Variants in STXBP5L observed in about 807,000 individuals in gnomAD.
STXBP5L encodes syntaxin binding protein 5L.
A neutral mutation model predicts 144.5 loss-of-function variants in STXBP5L; 65 were observed. That is an observed-to-expected ratio of 0.45 (90% CI 0.37 to 0.55). The LOEUF (loss-of-function observed/expected upper bound fraction) is 0.55, where lower values mean the gene tolerates loss of function less well. Among genes scored for constraint, STXBP5L ranks in the 20% least tolerant of loss-of-function variants. STXBP5L has a pLI of 0.00. For synonymous variants in STXBP5L, 505 were observed against 469.6 expected (o/e 1.08, Z -0.97); for missense variants, 1,298 against 1,405.5 (o/e 0.92, Z 1.22).
At chr3:121,088,349 C>A (rs536147931) in intron 5 of STXBP5L, among the ~76,000 whole-genome samples, 1 of 113,940 alleles carries the variant, frequency 8.8e-6, no homozygotes, top group Non-Finnish European at 1.8e-5. Context: ...AAATGCTCAT[C>A]ATCACTGGCC....
At chr3:121,259,388 A>G (rs1471315577) in intron 18 of STXBP5L, among the ~76,000 whole-genome samples, 1 of 152,072 alleles carries the variant, frequency 6.6e-6, no homozygotes, top group East Asian at 1.9e-4. Flanking sequence ...TGTTAGTAGG[A>G]GATTGTTAGG....
At chr3:120,994,305 C>G (rs1001787623) in intron 3 of STXBP5L, among the ~76,000 whole-genome samples, 4 of 151,994 alleles carry the variant, frequency 2.6e-5, no homozygotes, top group Non-Finnish European at 5.9e-5. Context: ...ATTGCTCTGG[C>G]TAGAATTTTC....
chr3:121,202,723 A>G (rs2048183585), intron 9 of STXBP5L, among the ~76,000 whole-genome samples: 1 of 152,082 alleles, frequency 6.6e-6, no homozygotes, highest in Non-Finnish European at 1.5e-5. Flanking sequence ...AATATGTCAT[A>G]TCACATTCCA....
At chr3:121,170,729 C>T (rs1436092929) in intron 9 of STXBP5L, among the ~76,000 whole-genome samples, 2 of 152,058 alleles carry the variant, frequency 1.3e-5, no homozygotes, top group Non-Finnish European at 2.9e-5. Flanking sequence ...CAACCCAGCA[C>T]CAGACGGATT....
intron 4 of STXBP5L, among the ~76,000 whole-genome samples, chr3:121,043,212 C>T (rs1477446448): frequency 1.3e-5 from 2 of 152,094 alleles, no homozygotes; most frequent in Admixed American, 1.3e-4. Context: ...CAGTTTCTGA[C>T]CTGACTGGTT....
At chr3:121,377,079 G>T (rs1258393065) in intron 20 of STXBP5L, among the ~76,000 whole-genome samples, 3 of 152,136 alleles carry the variant, frequency 2.0e-5, no homozygotes, top group African/African-American at 7.2e-5. Context: ...CATTGATTTT[G>T]TATCCTGAGA....
chr3:121,301,971 C>T (rs931482305), intron 19 of STXBP5L, among the ~76,000 whole-genome samples: 8 of 152,290 alleles, frequency 5.3e-5, no homozygotes, highest in African/African-American at 1.9e-4. Flanking sequence ...AGGATTTTTA[C>T]ATTGATCTTC....
At chr3:120,976,300 C>T (rs994488727) in intron 3 of STXBP5L, among the ~76,000 whole-genome samples, 10 of 152,150 alleles carry the variant, frequency 6.6e-5, no homozygotes, top group Non-Finnish European at 1.2e-4. Context: ...GGAATTTATC[C>T]ATTTTTCCTA....
chr3:121,238,865 A>C, intron 12 of STXBP5L, 106 bp from the exon 13 acceptor site: 1 of 1,162,164 alleles, frequency 8.6e-7, no homozygotes, highest in East Asian at 3.1e-5. Flanking sequence ...AAAAACAAGC[A>C]AAATTTATAG....
In STXBP5L at chr3:121,413,228, T is replaced by C; in HGVS notation, c.3019T>C (p.Phe1007Leu). The stretch of plus-strand genomic sequence containing the variant: ...GACAGACATGAGGATAGCACGAACA[T>C]TTTGTTTTACCAATGAAGGACAGGC... Reference protein sequence around the residue: ...PLTDMRIARTFCFTNEGQALY... With the variant: ...PLTDMRIARTLCFTNEGQALY... Residue 1007 changes from phenylalanine to leucine, a missense_variant, in exon 24 of 27, where the codon TTT becomes CTT. By Grantham distance (22) the Phe-to-Leu change is conservative. Transcript: ENST00000471454. 6.2e-7 allele frequency: 1 copy of C among 1,610,800 alleles called. No individual in the cohort carries two copies. Among genetic ancestry groups the C allele is most frequent in the Non-Finnish European group, 8.5e-7 (1 of 1,179,052 alleles).
At chr3:120,973,413 G>A (rs1940514130) in intron 3 of STXBP5L, among the ~76,000 whole-genome samples, 1 of 151,808 alleles carries the variant, frequency 6.6e-6, no homozygotes, top group South Asian at 2.1e-4. Flanking sequence ...AATGTCAGTT[G>A]TAATGTCAGA....
At chr3:121,095,077 T>G (rs560965547) in intron 5 of STXBP5L, among the ~76,000 whole-genome samples, 1 of 152,322 alleles carries the variant, frequency 6.6e-6, no homozygotes, top group South Asian at 2.1e-4. Context: ...AAATTCTGGG[T>G]TGAAAATTCT....
intron 3 of STXBP5L, among the ~76,000 whole-genome samples, chr3:121,022,015 C>T (rs1171009167): frequency 1.3e-5 from 2 of 151,866 alleles, no homozygotes; most frequent in Non-Finnish European, 2.9e-5. Context: ...ATTGATAGGC[C>T]ATTAGCAAGA....
intron 5 of STXBP5L, among the ~76,000 whole-genome samples, chr3:121,088,459 T>C (rs1414679361): frequency 4.1e-5 from 4 of 97,420 alleles, no homozygotes; most frequent in African/African-American, 1.6e-4. Flanking sequence ...CTGGAGAGGA[T>C]GTGGAGAAAT....
intron 18 of STXBP5L, among the ~76,000 whole-genome samples, chr3:121,274,280 A>G (rs1451644154): frequency 5.9e-5 from 9 of 152,220 alleles, no homozygotes; most frequent in Admixed American, 2.6e-4. Flanking sequence ...GGGGTGCAAC[A>G]TCTCCTGTTT....
intron 3 of STXBP5L, among the ~76,000 whole-genome samples, chr3:120,969,798 A>G (rs1270569499): frequency 6.6e-6 from 1 of 151,838 alleles, no homozygotes; most frequent in Non-Finnish European, 1.5e-5. Flanking sequence ...TTGTCCACTT[A>G]CCTTCAAGAT....
In STXBP5L at chr3:121,384,053, G is replaced by C. The variant is rs1337600686; in HGVS notation, c.2587+2521G>C. The stretch of plus-strand genomic sequence containing the variant: ...TTAGTCGGCCTAGGAAAATTCATGA[G>C]TCAAATAGTTTCCTTAGACTTGAAA... On this transcript the variant is annotated intron_variant, in intron 22 of 26. Coordinates refer to ENST00000471454, the MANE Select transcript of STXBP5L (RefSeq NM_001308330.2). Among the ~76,000 whole-genome samples, 3 of 152,026 alleles carry C rather than the reference G, an allele frequency of 2.0e-5. No individual in the cohort carries two copies. The East Asian group carries it at 5.8e-4, about 29-fold the overall frequency.
chr3:121,334,948 TG>T (rs2044453123), intron 20 of STXBP5L, among the ~76,000 whole-genome samples: 1 of 152,312 alleles, frequency 6.6e-6, no homozygotes, highest in South Asian at 2.1e-4. Context: ...TTGGAAGCCC[TG>T]GCAAAGAGCA....
At chr3:121,192,133 G>T (rs903577353) in intron 9 of STXBP5L, among the ~76,000 whole-genome samples, 12 of 152,118 alleles carry the variant, frequency 7.9e-5, no homozygotes, top group South Asian at 2.1e-4. Flanking sequence ...AAAGTCTCTG[G>T]ATTCAAAATC....
Sources: allele counts gnomAD v4.1 joint callset (sites outside exome capture counted in the v4.1 genomes callset), GRCh38; gene constraint gnomAD v4.1.1; transcripts MANE v1.5; gene names NCBI Gene and HGNC (gene_info 2026-07-23, HGNC 2026-07-21).